The following TESC variants were observed in gnomAD, a reference collection of about 807,000 sequenced individuals.
TESC encodes calcineurin B homologous protein 3.
A neutral mutation model predicts 31.0 loss-of-function variants in TESC; 19 were observed. The observed-to-expected ratio is 0.61, with a 90% confidence interval of 0.43 to 0.90. The LOEUF is 0.90. Ranked by LOEUF, TESC falls within the 40% of genes least tolerant of loss-of-function variation. The pLI, the probability that TESC is intolerant of heterozygous loss-of-function variation, is 0.00. For synonymous variants in TESC, 109 were observed against 114.8 expected (o/e 0.95, Z 0.32); for missense variants, 248 against 303.8 (o/e 0.82, Z 1.36).
At chr12:117,050,240 CCATT>C (rs1200400938) in intron 3 of TESC, among the ~76,000 whole-genome samples, 1 of 152,162 alleles carries the variant, frequency 6.6e-6, no homozygotes, top group African/African-American at 2.4e-5. Flanking sequence ...ACAGCCATGC[CCATT>C]CATTTATGCT....
intron 1 of TESC, among the ~76,000 whole-genome samples, chr12:117,079,199 C>T (rs975115104): frequency 1.3e-5 from 2 of 152,220 alleles, no homozygotes; most frequent in Non-Finnish European, 2.9e-5. Flanking sequence ...ACCCCCAAAA[C>T]ACACTGATCT....
intron 1 of TESC, among the ~76,000 whole-genome samples, chr12:117,083,288 G>A (rs766349761): frequency 3.3e-5 from 5 of 152,148 alleles, no homozygotes; most frequent in Non-Finnish European, 7.3e-5. Context: ...CGTTTTAGCT[G>A]TGCTGGCCTT....
At chr12:117,082,709 TA>T (rs1175620350) in intron 1 of TESC, among the ~76,000 whole-genome samples, 2 of 152,152 alleles carry the variant, frequency 1.3e-5, no homozygotes, top group Admixed American at 1.3e-4. Flanking sequence ...TTCATATTGA[TA>T]TACACATGTG....
chr12:117,061,791 G>C (rs1318251343), intron 2 of TESC, among the ~76,000 whole-genome samples: 1 of 152,124 alleles, frequency 6.6e-6, no homozygotes, highest in Non-Finnish European at 1.5e-5. Flanking sequence ...CATATCAAAG[G>C]GGATGGTTCA....
chr12:117,079,156 T>G (rs1017887310), intron 1 of TESC, among the ~76,000 whole-genome samples: 1 of 152,190 alleles, frequency 6.6e-6, no homozygotes, highest in Admixed American at 6.5e-5. Flanking sequence ...TTTCTTTTTT[T>G]TATTTGTCTG....
At chr12:117,053,229 C>T (rs1368024715) in intron 3 of TESC, among the ~76,000 whole-genome samples, 1 of 152,212 alleles carries the variant, frequency 6.6e-6, no homozygotes, top group African/African-American at 2.4e-5. Flanking sequence ...TCAGACCCTC[C>T]AAAGGAGGAG....
chr12:117,057,013 G>T, intron 2 of TESC, 127 bp from the exon 3 acceptor site: 2 of 860,674 alleles, frequency 2.3e-6, no homozygotes, highest in Non-Finnish European at 3.8e-6. Flanking sequence ...ATAGTTCAGA[G>T]TTAGGAGACA....
rs186407033 is a variant in TESC at position 117,061,090 on chromosome 12, G to A, written c.129-4204C>T. 1.2e-4 allele frequency among the ~76,000 whole-genome samples: 18 copies of A among 152,278 alleles called. No homozygotes were observed. The East Asian group carries it at 3.3e-3, about 28-fold the overall frequency. ...TCACCCAGCCTCTGTCTACTCCTTT[G>A]CAAACAGGAACCTCACAGGGTTGCC... On this transcript the variant is annotated intron_variant, in intron 2 of 7. Coordinates refer to ENST00000335209, the MANE Select transcript of TESC (RefSeq NM_017899.4).
chr12:117,050,284 G>C (rs1286734167), intron 3 of TESC, among the ~76,000 whole-genome samples: 1 of 152,204 alleles, frequency 6.6e-6, no homozygotes, highest in Non-Finnish European at 1.5e-5. Context: ...CTGCAACAGA[G>C]ACTGCGTGGC....
At chr12:117,061,332 T>C (rs1954798167) in intron 2 of TESC, among the ~76,000 whole-genome samples, 1 of 152,124 alleles carries the variant, frequency 6.6e-6, no homozygotes, top group African/African-American at 2.4e-5. Context: ...ACGCAGGGCT[T>C]CCCTCTTTGT....
chr12:117,060,025 A>C (rs564923062), intron 2 of TESC, among the ~76,000 whole-genome samples: 1 of 152,304 alleles, frequency 6.6e-6, no homozygotes, highest in South Asian at 2.1e-4. Flanking sequence ...GCAGGGAGAC[A>C]AAGTGGAGAG....
intron 1 of TESC, among the ~76,000 whole-genome samples, chr12:117,086,678 T>G (rs925066646): frequency 6.6e-6 from 1 of 152,146 alleles, no homozygotes; most frequent in Non-Finnish European, 1.5e-5. Flanking sequence ...CCTCAAGTGA[T>G]CCTTCCACCT....
chr12:117,062,709 C>A (rs962784304), intron 2 of TESC, among the ~76,000 whole-genome samples: 1 of 152,232 alleles, frequency 6.6e-6, no homozygotes, highest in African/African-American at 2.4e-5. Flanking sequence ...GCGCTTAGGA[C>A]AGGCTAACCT....
intron 1 of TESC, chr12:117,084,126 T>C (rs974978693): frequency 6.7e-6 from 1 of 148,278 alleles, no homozygotes; most frequent in African/African-American, 2.5e-5. Context: ...TAGACAGTGG[T>C]GATGTTTGTA....
In TESC at chr12:117,075,254, C is replaced by T. The variant is rs775438329; in HGVS notation, c.128+17G>A. 5.0e-6 allele frequency: 8 copies of T among 1,612,246 alleles called. No homozygotes were observed. The East Asian group carries it at 1.8e-4, about 36-fold the overall frequency. On this transcript the variant is annotated intron_variant, in intron 2 of 7. Transcript: ENST00000335209. Reference sequence around the variant, plus strand: ...GGCATGGCCCCACCCAGCACCCAAACCCGCTGCCAATCTTACCGAATGGTA... The same window carrying T: ...GGCATGGCCCCACCCAGCACCCAAATCCGCTGCCAATCTTACCGAATGGTA...
At chr12:117,061,365 C>T (rs552682458) in intron 2 of TESC, among the ~76,000 whole-genome samples, 157 of 138,928 alleles carry the variant, frequency 1.1e-3, no homozygotes, top group South Asian at 4.9e-3. Context: ...GAGGCACTGC[C>T]CTTCCCCAGG....
At chr12:117,069,477 G>C (rs1419117467) in intron 2 of TESC, among the ~76,000 whole-genome samples, 2 of 152,124 alleles carry the variant, frequency 1.3e-5, no homozygotes, top group Non-Finnish European at 2.9e-5. Flanking sequence ...GACCTCAAGT[G>C]ATCCGCCAGC....
intron 1 of TESC, among the ~76,000 whole-genome samples, chr12:117,075,869 ATGTG>A (rs869236765): frequency 6.4e-5 from 2 of 31,448 alleles, no homozygotes; most frequent in East Asian, 4.5e-3. Context: ...ATATATATAT[ATGTG>A]TGTATATATA....
chr12:117,086,491 G>A (rs1265432978), intron 1 of TESC, among the ~76,000 whole-genome samples: 50 of 152,148 alleles, frequency 3.3e-4, no homozygotes, highest in Admixed American at 3.3e-3. Flanking sequence ...GAGTGCAGTG[G>A]CACGATCACA....
Sources: gnomAD v4.1 joint callset for allele counts (sites outside exome capture counted in the v4.1 genomes callset) on GRCh38, gnomAD v4.1.1 for gene constraint, MANE v1.5 for transcripts, NCBI Gene and HGNC (gene_info 2026-07-23, HGNC 2026-07-21) for gene names.